Variants in MECOM observed in about 807,000 individuals in gnomAD.
MECOM encodes MDS1 and EVI1 complex locus.
Under a neutral mutation model 116.3 loss-of-function variants are expected in MECOM, and 13 were observed. The ratio of observed to expected loss-of-function variants is 0.11; its 90% CI spans 0.07 to 0.18. The LOEUF is 0.18. MECOM is among the 10% of genes least tolerant of loss of function. The pLI is 1.00. For synonymous variants in MECOM, 528 were observed against 535.2 expected (o/e 0.99, Z 0.19); for missense variants, 1,299 against 1,509.0 (o/e 0.86, Z 2.31).
rs1719200956 is a variant in MECOM at position 169,090,135 on chromosome 3, T to A, written c.3266A>T (p.Glu1089Val). ...EEVEDEVLLD[E>V]EDEDNDITGK... ...AGTAATATCATTGTCTTCATCCTCC[T>A]CATCTAACAACACCTCATCTTCAAC... Residue 1089 changes from glutamate to valine, a missense_variant, in exon 15 of 17, where the codon GAG (glutamate) becomes GTG (valine). This residue lies in a region of MECOM where 273 missense variants were observed against 289.3 expected (regional missense o/e 0.94). Transcript: ENST00000651503. 6.2e-7 allele frequency: 1 copy of A among 1,613,528 alleles called. No homozygotes were observed.
intron 2 of MECOM, among the ~76,000 whole-genome samples, chr3:169,232,726 AT>A: frequency 6.6e-6 from 1 of 152,108 alleles, no homozygotes; most frequent in Non-Finnish European, 1.5e-5. Flanking sequence ...GAAAATGAGA[AT>A]TTTTTAAAGT....
intron 1 of MECOM, among the ~76,000 whole-genome samples, chr3:169,556,429 A>G (rs981388657): frequency 7.9e-5 from 12 of 152,154 alleles, no homozygotes; most frequent in Non-Finnish European, 1.8e-4. Context: ...AAATTTCTGT[A>G]ATGAAATATT....
intron 9 of MECOM, among the ~76,000 whole-genome samples, chr3:169,111,469 C>T (rs1171859830): frequency 6.6e-6 from 1 of 152,058 alleles, no homozygotes; most frequent in Non-Finnish European, 1.5e-5. Context: ...GTGCTACATT[C>T]CAGTTTATTA....
intron 2 of MECOM, among the ~76,000 whole-genome samples, chr3:169,370,442 A>C (rs1729898630): frequency 6.6e-6 from 1 of 152,056 alleles, no homozygotes; most frequent in Non-Finnish European, 1.5e-5. Context: ...GTATAGGAGA[A>C]AGACTCCATG....
chr3:169,166,689 C>G (rs954962208), intron 2 of MECOM, among the ~76,000 whole-genome samples: 1 of 151,982 alleles, frequency 6.6e-6, no homozygotes, highest in Non-Finnish European at 1.5e-5. Flanking sequence ...TGTTTTATAT[C>G]CAAAAGAGTA....
At chr3:169,138,962 G>A (rs983563954) in intron 3 of MECOM, among the ~76,000 whole-genome samples, 2 of 152,036 alleles carry the variant, frequency 1.3e-5, no homozygotes, top group African/African-American at 4.8e-5. Flanking sequence ...TGGACCTAAG[G>A]AGAGCGAACG....
At chr3:169,306,370 T>C (rs978511520) in intron 2 of MECOM, among the ~76,000 whole-genome samples, 3 of 152,176 alleles carry the variant, frequency 2.0e-5, no homozygotes, top group Admixed American at 6.5e-5. Context: ...TTAGATGACA[T>C]ATAAAATAGA....
chr3:169,366,428 A>G (rs967595285), intron 2 of MECOM, among the ~76,000 whole-genome samples: 1 of 151,958 alleles, frequency 6.6e-6, no homozygotes, highest in Non-Finnish European at 1.5e-5. Flanking sequence ...AAGCCAGGTA[A>G]CCTGCTCCTA....
At chr3:169,628,899 G>C (rs1771726356) in intron 1 of MECOM, among the ~76,000 whole-genome samples, 3 of 152,042 alleles carry the variant, frequency 2.0e-5, no homozygotes, top group Admixed American at 2.0e-4. Context: ...TCAGAGTGGG[G>C]CAATTTGTGG....
chr3:169,331,231 T>TA (rs1156908432), intron 2 of MECOM, among the ~76,000 whole-genome samples: 1 of 152,038 alleles, frequency 6.6e-6, no homozygotes, highest in Non-Finnish European at 1.5e-5. Context: ...TCATTGGCCA[T>TA]ACAGTTAATA....
At chr3:169,538,435 C>T (rs1453884074) in intron 1 of MECOM, among the ~76,000 whole-genome samples, 2 of 152,130 alleles carry the variant, frequency 1.3e-5, no homozygotes, top group African/African-American at 2.4e-5. Context: ...GTTAGAGGGA[C>T]ATAGATTCAC....
rs191249056 is a variant in MECOM, at chr3:169,549,083, C to T, written c.37+114253G>A. ...CCGCCTCCCGGGTTCAAGTGATTCT[C>T]CTGCCTCAGCCTCCCGAGTAGCTGG... On this transcript the variant is annotated intron_variant, in intron 1 of 16. Transcript: ENST00000651503. 9.2e-5 allele frequency among the ~76,000 whole-genome samples: 14 copies of T among 151,570 alleles called. No individual in the cohort carries two copies. The East Asian group carries it at 2.6e-3, about 28-fold the overall frequency.
rs376602647 is a variant in MECOM at position 169,190,589 on chromosome 3, T to A, written c.376-46757A>T. Among the ~76,000 whole-genome samples the A allele has an allele frequency of 3.3e-5, 5 of 152,106 alleles. No individual in the cohort carries two copies. In the East Asian group the frequency reaches 7.7e-4, roughly 24 times the overall value. On this transcript the variant is annotated intron_variant, in intron 2 of 16. Transcript: ENST00000651503. Reference sequence around the variant, plus strand: ...CACAGGCCAACTGGTATCCAGATCATATAGAAGAGGAAAGTAAAGTTCAGA... The same window carrying A: ...CACAGGCCAACTGGTATCCAGATCAAATAGAAGAGGAAAGTAAAGTTCAGA...
intron 1 of MECOM, among the ~76,000 whole-genome samples, chr3:169,528,089 A>AG (rs1298911551): frequency 6.6e-6 from 1 of 152,116 alleles, no homozygotes. Context: ...CCTCCTTTCG[A>AG]GCAGTGGTCT....
At chr3:169,639,425 A>G (rs1444530895) in intron 1 of MECOM, among the ~76,000 whole-genome samples, 4 of 152,244 alleles carry the variant, frequency 2.6e-5, no homozygotes, top group African/African-American at 9.6e-5. Context: ...GAATATGAAT[A>G]ACAAAGTATA....
At chr3:169,333,148 T>C (rs1312071800) in intron 2 of MECOM, among the ~76,000 whole-genome samples, 1 of 152,140 alleles carries the variant, frequency 6.6e-6, no homozygotes, top group African/African-American at 2.4e-5. Context: ...TATACATGTT[T>C]ATAATAAAGC....
At chr3:169,390,581 G>T (rs13317307) in intron 1 of MECOM, among the ~76,000 whole-genome samples, 2,615 of 152,198 alleles carry the variant, frequency 0.017, 85 homozygotes, top group African/African-American at 0.06. Context: ...TAAAAAAAAA[G>T]TGTTTAAAGG....
At chr3:169,658,809 A>G (rs1775855069) in intron 1 of MECOM, among the ~76,000 whole-genome samples, 1 of 152,126 alleles carries the variant, frequency 6.6e-6, no homozygotes, top group African/African-American at 2.4e-5. Context: ...GGAGATGACA[A>G]GTCAAGGTTC....
rs185025686 is a variant in MECOM at position 169,376,783 on chromosome 3, C to T, written c.375+4404G>A. 1.8e-3 allele frequency among the ~76,000 whole-genome samples: 271 copies of T among 152,250 alleles called. 7 individuals carry two copies. The highest frequency in any genetic ancestry group is 6.2e-3 in the African/African-American group (256 of 41,552). ...GTAATTTATAGATTCAATGTTATCCCATCCAGCTACCATTGACTTTCTTCA... is the reference window on the plus strand; with the variant it reads ...GTAATTTATAGATTCAATGTTATCCTATCCAGCTACCATTGACTTTCTTCA... On this transcript the variant is annotated intron_variant, in intron 2 of 16. Coordinates refer to ENST00000651503, the MANE Select transcript of MECOM (RefSeq NM_004991.4).
Sources: allele counts gnomAD v4.1 joint callset (sites outside exome capture counted in the v4.1 genomes callset), GRCh38; gene constraint gnomAD v4.1.1; regional missense constraint gnomAD v4.1.1; transcripts MANE v1.5; gene names NCBI Gene and HGNC (gene_info 2026-07-23, HGNC 2026-07-21).